Variants in MMP26 observed in about 807,000 individuals in gnomAD.
The protein encoded by MMP26 is matrix metallopeptidase 26, also known as matrix metalloproteinase-26.
A neutral mutation model predicts 31.0 loss-of-function variants in MMP26; 33 were observed. The observed-to-expected ratio is 1.06, with a 90% CI of 0.81 to 1.42. MMP26 has a LOEUF of 1.42. Ranked by LOEUF, MMP26 falls within the 40% of genes most tolerant of loss-of-function variation. The pLI is 0.00. For missense variants in MMP26, 347 were observed against 316.1 expected (o/e 1.10, Z -0.74); for synonymous variants, 122 against 114.9 (o/e 1.06, Z -0.40).
At chr11:4,968,293 T>C (rs540333971) in intron 2 of MMP26, among the ~76,000 whole-genome samples, 45 of 152,096 alleles carry the variant, frequency 3.0e-4, no homozygotes, top group Non-Finnish European at 5.7e-4. Flanking sequence ...ATTATCTTTT[T>C]TATTTGACAA....
intron 2 of MMP26, among the ~76,000 whole-genome samples, chr11:4,887,567 T>C (rs1458417454): frequency 6.6e-6 from 1 of 152,180 alleles, no homozygotes; most frequent in Non-Finnish European, 1.5e-5. Flanking sequence ...TTCTTTGACT[T>C]GAAATTTATA....
intron 2 of MMP26, chr11:4,946,303 G>A (rs1589947454): frequency 3.7e-6 from 6 of 1,613,782 alleles, no homozygotes; most frequent in African/African-American, 2.7e-5. Context: ...AGACATGCCG[G>A]GCAAAGCGGT....
intron 2 of MMP26, among the ~76,000 whole-genome samples, chr11:4,851,607 G>A (rs116632561): frequency 0.013 from 1,979 of 151,760 alleles, 41 homozygotes; most frequent in African/African-American, 0.042. Context: ...CTCTATTGTC[G>A]AGTAAATTAT....
Position 4,991,443 on chromosome 11 carries a change from A to G in MMP26, c.542A>G (p.Asn181Ser). The G allele has an allele frequency of 6.2e-7, 1 of 1,613,992 alleles. No individual in the cohort carries two copies. The highest frequency in any genetic ancestry group is 8.5e-7 in the Non-Finnish European group (1 of 1,179,902). The stretch of plus-strand genomic sequence containing the variant: ...CATGCCTTTTTACCAAATTCTGGAA[A>G]TCCTGGAGTTGTCCATTTTGACAAG... ...LGHAFLPNSG[N>S]PGVVHFDKNE... is the part of the protein sequence containing the mutation. Residue 181 changes from asparagine to serine, a missense_variant, in exon 6 of 8, where the codon AAT becomes AGT. Coordinates refer to ENST00000380390, the MANE Select transcript of MMP26 (RefSeq NM_021801.5).
intron 2 of MMP26, among the ~76,000 whole-genome samples, chr11:4,865,420 CTT>C (rs1409323833): frequency 2.0e-5 from 3 of 152,012 alleles, no homozygotes; most frequent in African/African-American, 4.8e-5. Flanking sequence ...AATGAATCCT[CTT>C]TGCTCAAAAA....
At chr11:4,814,863 G>T (rs1474315184) in intron 2 of MMP26, among the ~76,000 whole-genome samples, 1 of 152,078 alleles carries the variant, frequency 6.6e-6, no homozygotes, top group Non-Finnish European at 1.5e-5. Context: ...TCTGAGACAG[G>T]TCTCAATCAA....
At chr11:4,727,371 T>C (rs1848114863) in intron 1 of MMP26, among the ~76,000 whole-genome samples, 1 of 152,186 alleles carries the variant, frequency 6.6e-6, no homozygotes, top group African/African-American at 2.4e-5. Flanking sequence ...TTTGCTAAAA[T>C]GTTTGCTTAC....
intron 1 of MMP26, among the ~76,000 whole-genome samples, chr11:4,707,320 ATGTTT>A (rs1432017605): frequency 3.9e-5 from 6 of 152,108 alleles, no homozygotes; most frequent in Non-Finnish European, 7.4e-5. Flanking sequence ...GGCCATTTGT[ATGTTT>A]TGTTTGGAGA....
intron 1 of MMP26, among the ~76,000 whole-genome samples, chr11:4,762,273 A>C (rs865796665): frequency 6.6e-6 from 1 of 152,182 alleles, no homozygotes; most frequent in African/African-American, 2.4e-5. Context: ...ATTTTATCCA[A>C]ATTTGTTTTA....
rs1846969223 is a variant in MMP26, at chr11:4,989,843, T to A, written c.295T>A (p.Trp99Arg). 6.2e-7 allele frequency: 1 copy of A among 1,610,502 alleles called. No individual in the cohort carries two copies. The highest frequency in any genetic ancestry group is 1.3e-5 in the African/African-American group (1 of 74,884). ...CTCCATCTCGCCAGGAAGATGCAAG[T>A]GGAATAAGCACACTCTAACTTACAG... ...DTSISPGRCK[W>R]NKHTLTYRII... The change falls in exon 4 of 8, where the codon TGG becomes AGG. Residue 99 changes from tryptophan (W) to arginine (R), a missense_variant. Transcript: ENST00000380390.
intron 2 of MMP26, chr11:4,822,066 C>A (rs774197327): frequency 2.5e-6 from 4 of 1,613,654 alleles, no homozygotes; most frequent in African/African-American, 2.7e-5. Context: ...ACTGCCCTTG[C>A]ATCCTGCTCT....
intron 2 of MMP26, among the ~76,000 whole-genome samples, chr11:4,857,334 C>T (rs568956706): frequency 6.6e-6 from 1 of 151,680 alleles, no homozygotes; most frequent in East Asian, 1.9e-4. Context: ...GCTAGCAAGA[C>T]TAATAAAGAA....
intron 2 of MMP26, chr11:4,860,140 A>G (rs902116959): frequency 1.7e-5 from 8 of 471,018 alleles, no homozygotes; most frequent in Non-Finnish European, 3.1e-5. Flanking sequence ...CTTTCGAATA[A>G]CATCGTGAGT....
chr11:4,895,793 G>A (rs983937309), intron 2 of MMP26, among the ~76,000 whole-genome samples: 2 of 152,116 alleles, frequency 1.3e-5, no homozygotes, highest in African/African-American at 4.8e-5. Flanking sequence ...AGGCATGGTG[G>A]CACATGACTG....
At chr11:4,807,106 T>C (rs1849281009) in intron 2 of MMP26, among the ~76,000 whole-genome samples, 2 of 152,214 alleles carry the variant, frequency 1.3e-5, no homozygotes, top group South Asian at 4.1e-4. Flanking sequence ...CTTAGCACTA[T>C]AGACTTAAAC....
intron 2 of MMP26, among the ~76,000 whole-genome samples, chr11:4,898,334 AT>A (rs1234911911): frequency 6.6e-6 from 1 of 151,128 alleles, no homozygotes; most frequent in African/African-American, 2.4e-5. Flanking sequence ...CTCTTATTTT[AT>A]TATTTCTCTC....
intron 2 of MMP26, chr11:4,915,705 C>T (rs753886628): frequency 6.9e-7 from 1 of 1,456,736 alleles, no homozygotes; most frequent in Non-Finnish European, 9.4e-7. Context: ...CCTCCAAAAT[C>T]CTGAAGTAAA....
intron 2 of MMP26, among the ~76,000 whole-genome samples, chr11:4,966,698 C>CA (rs923881016): frequency 2.1e-4 from 32 of 152,060 alleles, no homozygotes; most frequent in African/African-American, 7.7e-4. Flanking sequence ...GTCTTTTTTT[C>CA]ATCAAGGAAA....
chr11:4,974,749 T>C (rs1425389584), intron 2 of MMP26, among the ~76,000 whole-genome samples: 2 of 152,098 alleles, frequency 1.3e-5, no homozygotes, highest in Non-Finnish European at 2.9e-5. Flanking sequence ...ATGTGGTACA[T>C]GTACGCCACA....
Sources: allele counts gnomAD v4.1 joint callset (sites outside exome capture counted in the v4.1 genomes callset), GRCh38; gene constraint gnomAD v4.1.1; transcripts MANE v1.5; gene names NCBI Gene and HGNC (gene_info 2026-07-23, HGNC 2026-07-21).